ZNF609: variants seen among roughly 807,000 people sequenced by gnomAD.
ZNF609 encodes zinc finger protein 609.
Under a neutral mutation model 109.5 loss-of-function variants are expected in ZNF609, and 11 were observed. The ratio of observed to expected loss-of-function variants is 0.10; its 90% CI spans 0.06 to 0.17. The LOEUF is 0.17. Among genes scored for constraint, ZNF609 ranks in the 10% least tolerant of loss-of-function variants. The pLI, the probability that ZNF609 is intolerant of heterozygous loss-of-function variation, is 1.00. For synonymous variants in ZNF609, 646 were observed against 662.0 expected (o/e 0.98, Z 0.37); for missense variants, 1,559 against 1,772.4 (o/e 0.88, Z 2.16).
intron 3 of ZNF609, among the ~76,000 whole-genome samples, chr15:64,649,346 T>C (rs573986133): frequency 3.8e-4 from 58 of 152,230 alleles, no homozygotes; most frequent in African/African-American, 1.0e-3. Context: ...ACAAATCATA[T>C]ATCTGATTTA....
At chr15:64,625,305 G>C (rs1440162288) in intron 3 of ZNF609, among the ~76,000 whole-genome samples, 1 of 152,022 alleles carries the variant, frequency 6.6e-6, no homozygotes, top group African/African-American at 2.4e-5. Context: ...TATCACCTGA[G>C]GTCAGGAGTT....
At chr15:64,504,313 A>G (rs1245430320) in intron 2 of ZNF609, among the ~76,000 whole-genome samples, 1 of 152,248 alleles carries the variant, frequency 6.6e-6, no homozygotes. Context: ...AACTAAGACC[A>G]GTGAAGTCCT....
intron 2 of ZNF609, among the ~76,000 whole-genome samples, chr15:64,596,227 C>T (rs530610909): frequency 6.6e-6 from 1 of 152,168 alleles, no homozygotes; most frequent in East Asian, 1.9e-4. Flanking sequence ...GATCTCAGCT[C>T]ACTGCACCCT....
At chr15:64,594,402 A>C (rs1895355438) in intron 2 of ZNF609, among the ~76,000 whole-genome samples, 1 of 150,884 alleles carries the variant, frequency 6.6e-6, no homozygotes, top group Admixed American at 6.6e-5. Context: ...GTGTGATCTC[A>C]GCTCACTGCA....
intron 1 of ZNF609, among the ~76,000 whole-genome samples, chr15:64,490,388 C>T (rs1893397940): frequency 1.3e-5 from 2 of 151,974 alleles, no homozygotes; most frequent in African/African-American, 4.8e-5. Context: ...ATTCTCCTGC[C>T]TCAGCCTCCC....
intron 2 of ZNF609, among the ~76,000 whole-genome samples, chr15:64,590,979 A>C (rs1389504648): frequency 6.6e-6 from 1 of 152,196 alleles, no homozygotes; most frequent in East Asian, 1.9e-4. Context: ...AATGTAGGCA[A>C]TACCATAGAG....
intron 2 of ZNF609, among the ~76,000 whole-genome samples, chr15:64,592,301 G>T (rs1201818673): frequency 1.3e-5 from 2 of 152,196 alleles, no homozygotes; most frequent in African/African-American, 4.8e-5. Flanking sequence ...ATTCAGCTGG[G>T]CATGGTGGCT....
chr15:64,656,046 A>G (rs1210764555), intron 3 of ZNF609, among the ~76,000 whole-genome samples: 2 of 152,026 alleles, frequency 1.3e-5, no homozygotes, highest in Non-Finnish European at 2.9e-5. Flanking sequence ...CACTCAGTCA[A>G]AAGTTTTTAC....
intron 1 of ZNF609, among the ~76,000 whole-genome samples, chr15:64,492,541 TTTA>T (rs1893428588): frequency 6.6e-6 from 1 of 152,192 alleles, no homozygotes; most frequent in Non-Finnish European, 1.5e-5. Context: ...TTGTCTTCTT[TTTA>T]TTTTTATTTT....
chr15:64,549,166 TTTTG>T (rs1377100425), intron 2 of ZNF609, among the ~76,000 whole-genome samples: 14 of 152,082 alleles, frequency 9.2e-5, no homozygotes, highest in East Asian at 1.9e-4. Flanking sequence ...TCAAGACTGT[TTTTG>T]TTTGTTTGTT....
intron 2 of ZNF609, among the ~76,000 whole-genome samples, chr15:64,587,588 T>C (rs904087036): frequency 6.6e-6 from 1 of 152,202 alleles, no homozygotes; most frequent in African/African-American, 2.4e-5. Context: ...AAAGTGTTCA[T>C]TGATTATACT....
chr15:64,465,224 T>C (rs1404238744), intron 1 of ZNF609, among the ~76,000 whole-genome samples: 1 of 152,234 alleles, frequency 6.6e-6, no homozygotes, highest in Non-Finnish European at 1.5e-5. Context: ...GGATACCTAA[T>C]AGGTTTTATG....
intron 2 of ZNF609, among the ~76,000 whole-genome samples, chr15:64,619,630 A>G (rs911169180): frequency 2.0e-5 from 3 of 152,230 alleles, no homozygotes; most frequent in Non-Finnish European, 4.4e-5. Context: ...TAACTAAGTA[A>G]TTAAATAAAG....
chr15:64,591,954 C>G (rs1395824585), intron 2 of ZNF609, among the ~76,000 whole-genome samples: 1 of 152,020 alleles, frequency 6.6e-6, no homozygotes, highest in Non-Finnish European at 1.5e-5. Flanking sequence ...GGTGATCCGC[C>G]CGCCTTGGCC....
At chr15:64,657,974 T>C (rs1435792485) in intron 3 of ZNF609, among the ~76,000 whole-genome samples, 3 of 152,134 alleles carry the variant, frequency 2.0e-5, no homozygotes, top group African/African-American at 7.2e-5. Context: ...CTCACAACTT[T>C]CAAGAATTCA....
chr15:64,676,298 A>G (rs769867654), intron 5 of ZNF609, 42 bp downstream of exon 5: 2 of 1,538,028 alleles, frequency 1.3e-6, no homozygotes, highest in South Asian at 2.6e-5. Flanking sequence ...CCGTATGGTA[A>G]TCGTCTATCT....
chr15:64,609,037 C>T (rs568724209), intron 2 of ZNF609, among the ~76,000 whole-genome samples: 7 of 151,148 alleles, frequency 4.6e-5, no homozygotes, highest in African/African-American at 1.7e-4. Context: ...ACACCCAGCC[C>T]TGTTACTTGC....
intron 2 of ZNF609, chr15:64,502,132 T>C (rs1243709634): frequency 6.6e-6 from 1 of 152,296 alleles, no homozygotes; most frequent in Middle Eastern, 3.4e-3. Flanking sequence ...TTTTGAAAGA[T>C]AGAGAAAATT....
intron 2 of ZNF609, among the ~76,000 whole-genome samples, chr15:64,548,030 A>G (rs1217295375): frequency 6.6e-6 from 1 of 152,254 alleles, no homozygotes; most frequent in Non-Finnish European, 1.5e-5. Flanking sequence ...GATGAGGATT[A>G]TCTCAAGTTT....
Sources: gnomAD v4.1 joint callset for allele counts (sites outside exome capture counted in the v4.1 genomes callset) on GRCh38, gnomAD v4.1.1 for gene constraint, MANE v1.5 for transcripts, NCBI Gene and HGNC (gene_info 2026-07-23, HGNC 2026-07-21) for gene names.